The following F2 variants were observed in gnomAD, a reference collection of about 807,000 sequenced individuals.
F2 encodes coagulation factor II, thrombin, also known as prothrombin.
A neutral mutation model predicts 81.9 loss-of-function variants in F2; 34 were observed. That is an observed-to-expected ratio of 0.42 (90% confidence interval 0.32 to 0.55). The LOEUF (loss-of-function observed/expected upper bound fraction) is 0.55, where lower values mean the gene tolerates loss of function less well. Ranked by LOEUF, F2 falls within the 20% of genes least tolerant of loss-of-function variation. F2 has a pLI of 0.18. For synonymous variants in F2, 296 were observed against 326.4 expected (o/e 0.91, Z 1.01); for missense variants, 630 against 833.4 (o/e 0.76, Z 3.00).
At chr11:46,730,970 G>A (rs2064907909) in intron 12 of F2, among the ~76,000 whole-genome samples, 2 of 151,912 alleles carry the variant, frequency 1.3e-5, no homozygotes. Flanking sequence ...AGGCTTGAGT[G>A]CAGTGGCACA....
In F2 at chr11:46,725,871, T is replaced by C; in HGVS notation, c.572T>C (p.Val191Ala). The C allele has an allele frequency of 3.1e-6, 5 of 1,612,952 alleles. No individual in the cohort carries two copies. The highest frequency in any genetic ancestry group is 3.4e-6 in the Non-Finnish European group (4 of 1,179,990). ...CSIPVCGQDQ[V>A]TVAMTPRSEG... ...CCTCACCCACCAGGCCAGGATCAAG[T>C]CACTGTAGCGATGACTCCACGCTCC... Residue 191 changes from valine (V) to alanine (A), a missense_variant, in exon 7 of 14, where the codon GTC (valine) becomes GCC (alanine). Transcript: ENST00000311907.
intron 2 of F2, 188 bp downstream of exon 2, chr11:46,720,050 G>T: frequency 1.3e-6 from 1 of 769,874 alleles, no homozygotes; most frequent in Admixed American, 2.4e-5. Flanking sequence ...CTCTGTGCCT[G>T]GACTGTGTCC....
At position 46,728,336 on chromosome 11, in the gene F2, G is replaced by T. The variant is rs937512179; in HGVS notation, c.1298+173G>T. Among the ~76,000 whole-genome samples the T allele has an allele frequency of 3.3e-5, 5 of 152,320 alleles. No homozygotes were observed. Among genetic ancestry groups the T allele is most frequent in the African/African-American group, 1.2e-4 (5 of 41,572 alleles). On this transcript the variant is annotated intron_variant, in intron 10 of 13. Coordinates refer to ENST00000311907, the MANE Select transcript of F2 (RefSeq NM_000506.5). The surrounding 1 kb of genome is among the most constrained non-coding windows in gnomAD (Gnocchi z 5.1). Reference sequence around the variant, plus strand: ...TTGGTCACGTCCTGACTGAGGCTTGGAGCTGCGGGGAGAAATCCGTCTGTC... The same window carrying T: ...TTGGTCACGTCCTGACTGAGGCTTGTAGCTGCGGGGAGAAATCCGTCTGTC...
chr11:46,723,574 C>T lies in F2; in HGVS notation c.559+56C>T, dbSNP rs1235590120. 1.9e-5 allele frequency: 30 copies of T among 1,557,404 alleles called. No individual in the cohort carries two copies. Among genetic ancestry groups the T allele is most frequent in the Non-Finnish European group, 2.5e-5 (29 of 1,148,256 alleles). On this transcript the variant is annotated intron_variant, in intron 6 of 13. Coordinates refer to ENST00000311907, the MANE Select transcript of F2 (RefSeq NM_000506.5). This position sits in a 1 kb window ranked among gnomAD's most constrained non-coding sequence, Gnocchi z 5.6. ...CCAAGGCCCGGGGGCTTCATGGGGCCTGGCAGCCTGGGATGGGAACCAAGA... is the reference window on the plus strand; with the variant it reads ...CCAAGGCCCGGGGGCTTCATGGGGCTTGGCAGCCTGGGATGGGAACCAAGA...
At chr11:46,732,378 T>G (rs2064918910) in intron 12 of F2, among the ~76,000 whole-genome samples, 1 of 151,994 alleles carries the variant, frequency 6.6e-6, no homozygotes, top group Admixed American at 6.6e-5. Context: ...CTTACTTTAT[T>G]CTAAGGGTTC....
At chr11:46,720,158 C>T (rs571204237) in intron 2 of F2, 4 of 556,012 alleles carry the variant, frequency 7.2e-6, no homozygotes, top group Non-Finnish European at 1.3e-5. Context: ...GGCAGACTCC[C>T]ACACCACCCT....
At position 46,728,898 on chromosome 11, in the gene F2, T is replaced by C; in HGVS notation, c.1472+61T>C. On this transcript the variant is annotated intron_variant, in intron 11 of 13. Coordinates refer to ENST00000311907, the MANE Select transcript of F2 (RefSeq NM_000506.5). This position sits in a 1 kb window ranked among gnomAD's most constrained non-coding sequence, Gnocchi z 5.1. ...AGCCAAGTTCTGGGCCTGGCTCTGA[T>C]ACCAAGTAGCCTTGCAAGAGCCCCT... The C allele has an allele frequency of 1.9e-6, 3 of 1,581,522 alleles. No individual in the cohort carries two copies. The highest frequency in any genetic ancestry group is 2.2e-5 in the East Asian group (1 of 44,708).
At position 46,719,438 on chromosome 11, in the gene F2, C is replaced by T. The variant is rs1481767074; in HGVS notation, c.79+124C>T. 9 of 1,194,140 alleles carry T rather than the reference C, an allele frequency of 7.5e-6. No homozygotes were observed. Among genetic ancestry groups the T allele is most frequent in the Non-Finnish European group, 1.1e-5 (9 of 829,666 alleles). 74.0% of individuals were successfully genotyped at this position (1,194,140 alleles called of 1,614,324 possible). A position where few individuals can be genotyped will look rare whatever the true frequency, so the allele number is the denominator to read the frequency against. ...TAAGTAGGTCTCAGCCCCAGGCGGC[C>T]AGCTTAGGGAAGAAGTCAGGAGCTC... is the stretch of plus-strand genomic sequence containing the variant. On this transcript the variant is annotated intron_variant, in intron 1 of 13. Coordinates refer to ENST00000311907, the MANE Select transcript of F2 (RefSeq NM_000506.5). This position sits in a 1 kb window ranked among gnomAD's most constrained non-coding sequence, Gnocchi z 4.7.
chr11:46,729,865 A>G (rs959344611), intron 12 of F2, among the ~76,000 whole-genome samples: 4 of 152,166 alleles, frequency 2.6e-5, no homozygotes, highest in African/African-American at 7.2e-5. Flanking sequence ...TTGAGCGCCT[A>G]TCACGTTCCA....
At chr11:46,725,534 C>A (rs915473417) in intron 6 of F2, among the ~76,000 whole-genome samples, 18 of 152,136 alleles carry the variant, frequency 1.2e-4, no homozygotes, top group African/African-American at 4.1e-4. Context: ...TCCTGCTGTG[C>A]AGCTATAAAA....
chr11:46,721,148 A>G (rs2064833793), intron 4 of F2, among the ~76,000 whole-genome samples: 1 of 151,944 alleles, frequency 6.6e-6, no homozygotes, highest in South Asian at 2.1e-4. Flanking sequence ...GGGTTCAAGC[A>G]ATTCTCTGCC....
At chr11:46,731,260 C>T (rs193012596) in intron 12 of F2, among the ~76,000 whole-genome samples, 1 of 144,596 alleles carries the variant, frequency 6.9e-6, no homozygotes, top group Admixed American at 7.3e-5. Context: ...GAATCTTGCT[C>T]TGTTGCCCAG....
Position 46,726,513 on chromosome 11 carries a change from A to T in F2, c.890A>T (p.Glu297Val), listed in dbSNP as rs1027631077. 11 of 1,613,852 alleles carry T rather than the reference A, an allele frequency of 6.8e-6. No homozygotes were observed. The highest frequency in any genetic ancestry group is 7.6e-6 in the Non-Finnish European group (9 of 1,179,864). The change falls in exon 8 of 14, where the codon GAG (glutamate) becomes GTG (valine). Residue 297 changes from glutamate to valine, a missense_variant. Transcript: ENST00000311907. The surrounding 1 kb of genome is among the most constrained non-coding windows in gnomAD (Gnocchi z 5.9). Reference protein sequence around the residue: ...DLNYCEEAVEEETGDGLDEDS... With the variant: ...DLNYCEEAVEVETGDGLDEDS... ...GTCCCAACAGAGGAGGCCGTGGAGG[A>T]GGAGACAGGAGATGGGCTGGATGAG...
intron 6 of F2, among the ~76,000 whole-genome samples, chr11:46,724,908 T>C (rs1490492159): frequency 1.3e-5 from 2 of 151,464 alleles, no homozygotes; most frequent in Admixed American, 1.3e-4. Context: ...GTAGCTAGGA[T>C]TACAGGCGTG....
rs868037503 is a variant in F2, at chr11:46,737,432, G to A, written c.1655-1616G>A. Among the ~76,000 whole-genome samples, 91 of 131,068 alleles carry A rather than the reference G, an allele frequency of 6.9e-4. 1 individual carries two copies. The highest frequency in any genetic ancestry group is 4.6e-4 in the African/African-American group (16 of 34,572). 86.0% of individuals were successfully genotyped at this position (131,068 alleles called of 152,430 possible). On this transcript the variant is annotated intron_variant, in intron 12 of 13. Coordinates refer to ENST00000311907, the MANE Select transcript of F2 (RefSeq NM_000506.5). ...GCTGGGATTACAGGTGTGAGCCACC[G>A]TGCCTGGCCTTTTTTTTTTTTTTTT...
At chr11:46,729,353 C>A in intron 11 of F2, 27 bp from the exon 12 acceptor site, 1 of 1,611,116 alleles carries the variant, frequency 6.2e-7, no homozygotes, top group South Asian at 1.1e-5. Context: ...GGTTGGCTCT[C>A]ACTAGGCCCT....
At chr11:46,724,102 C>T (rs910917448) in intron 6 of F2, among the ~76,000 whole-genome samples, 1 of 152,154 alleles carries the variant, frequency 6.6e-6, no homozygotes, top group Admixed American at 6.5e-5. Flanking sequence ...GCACTCCTCC[C>T]TCCGGGAAGC....
rs886048336 is a variant in F2 at position 46,728,846 on chromosome 11, C to A, written c.1472+9C>A. On this transcript the variant is annotated intron_variant, in intron 11 of 13. Transcript: ENST00000311907. The surrounding 1 kb of genome is among the most constrained non-coding windows in gnomAD (Gnocchi z 5.1). Reference sequence around the variant, plus strand: ...AGGGAGACGGCAGCCAGGTGGGCCACCAGATGCTTGTTAGCTGAGGGGCAG... The same window carrying A: ...AGGGAGACGGCAGCCAGGTGGGCCAACAGATGCTTGTTAGCTGAGGGGCAG... The A allele has an allele frequency of 6.2e-7, 1 of 1,612,986 alleles. No homozygotes were observed. Among genetic ancestry groups the A allele is most frequent in the South Asian group, 1.1e-5 (1 of 91,050 alleles).
At position 46,728,401 on chromosome 11, in the gene F2, G is replaced by A. The variant is rs1212970406; in HGVS notation, c.1298+238G>A. 6.6e-6 allele frequency among the ~76,000 whole-genome samples: 1 copy of A among 152,214 alleles called. No homozygotes were observed. The highest frequency in any genetic ancestry group is 1.5e-5 in the Non-Finnish European group (1 of 68,032). On this transcript the variant is annotated intron_variant, in intron 10 of 13. Transcript: ENST00000311907. The surrounding 1 kb of genome is among the most constrained non-coding windows in gnomAD (Gnocchi z 5.1). ...ACACTAGGATATAGCCCATGTGGGA[G>A]TCTCTGAAAATAGAGTCTGTCTGGA...
Sources: gnomAD v4.1 joint callset for allele counts (sites outside exome capture counted in the v4.1 genomes callset) on GRCh38, gnomAD v4.1.1 for gene constraint, Gnocchi (gnomAD v3.1) non-coding constraint, MANE v1.5 for transcripts, NCBI Gene and HGNC (gene_info 2026-07-23, HGNC 2026-07-21) for gene names.